NRCAM: variants seen among roughly 807,000 people sequenced by gnomAD.
NRCAM encodes NgCAM-related cell adhesion molecule.
A neutral mutation model predicts 156.5 loss-of-function variants in NRCAM; 83 were observed. The ratio of observed to expected loss-of-function variants is 0.53; its 90% CI spans 0.44 to 0.64. The LOEUF is 0.64. NRCAM is among the 30% of genes least tolerant of loss of function. The probability of loss-of-function intolerance (pLI) is 0.00; values close to 1 mark genes in which losing one functional copy is unlikely to be tolerated. For missense variants in NRCAM, 1,417 were observed against 1,597.3 expected (o/e 0.89, Z 1.92); for synonymous variants, 538 against 563.9 (o/e 0.95, Z 0.65).
intron 1 of NRCAM, among the ~76,000 whole-genome samples, chr7:108,416,340 C>T (rs1175856015): frequency 6.6e-6 from 1 of 152,158 alleles, no homozygotes; most frequent in Non-Finnish European, 1.5e-5. Flanking sequence ...GACATTCTAG[C>T]AAAATTGACA....
intron 20 of NRCAM, 45 bp downstream of exon 20, chr7:108,189,600 A>AT (rs2069768576): frequency 2.5e-6 from 2 of 802,338 alleles, no homozygotes. Flanking sequence ...TGCTTCAAAC[A>AT]TGGCCATTTA....
chr7:108,334,231 G>A (rs1378110900), intron 2 of NRCAM, among the ~76,000 whole-genome samples: 1 of 152,146 alleles, frequency 6.6e-6, no homozygotes, highest in Non-Finnish European at 1.5e-5. Flanking sequence ...ACAACCAGAA[G>A]TGTATGTGAT....
chr7:108,280,748 A>G (rs556127729), intron 3 of NRCAM, among the ~76,000 whole-genome samples: 161 of 152,352 alleles, frequency 1.1e-3, no homozygotes, highest in Admixed American at 3.5e-3. Flanking sequence ...CAGCTGTTAT[A>G]AAGAAGACAC....
At chr7:108,452,871 G>A (rs1417581244) in intron 1 of NRCAM, among the ~76,000 whole-genome samples, 5 of 152,216 alleles carry the variant, frequency 3.3e-5, no homozygotes, top group African/African-American at 1.2e-4. Context: ...AAAAGCCTCA[G>A]TGCCTCAGTG....
chr7:108,268,142 T>G (rs1030967284), intron 3 of NRCAM, among the ~76,000 whole-genome samples: 1 of 152,224 alleles, frequency 6.6e-6, no homozygotes, highest in African/African-American at 2.4e-5. Flanking sequence ...CCATAAGAGA[T>G]AAAAAGACTA....
chr7:108,371,502 G>T (rs16872515), intron 2 of NRCAM, among the ~76,000 whole-genome samples: 20,058 of 152,148 alleles, frequency 0.13, 2,170 homozygotes, highest in African/African-American at 0.3. Flanking sequence ...AGAGGGAGAT[G>T]ATATGTTTTC....
In NRCAM at chr7:108,184,599, T is replaced by C; in HGVS notation, c.2051A>G (p.Tyr684Cys). The change falls in exon 21 of 33, where the codon TAT becomes TGT. Residue 684 changes from tyrosine to cysteine, a missense_variant. By Grantham distance (194) the Tyr-to-Cys change is radical (BLOSUM62 -2). Coordinates refer to ENST00000379028, the MANE Select transcript of NRCAM (RefSeq NM_001037132.4). ...NSPITKFIIEYEDAMHKPGLW... is the reference protein window; with the variant it reads ...NSPITKFIIECEDAMHKPGLW... ...CCCTGGCTTGTGCATTGCATCTTCA[T>C]ATTCGATGATGAATTCTGGTCACGA... 6.2e-7 allele frequency: 1 copy of C among 1,612,740 alleles called. No individual in the cohort carries two copies. Among genetic ancestry groups the C allele is most frequent in the Non-Finnish European group, 8.5e-7 (1 of 1,179,844 alleles).
chr7:108,371,787 T>C (rs775125518), intron 2 of NRCAM, among the ~76,000 whole-genome samples: 2 of 152,198 alleles, frequency 1.3e-5, no homozygotes, highest in Non-Finnish European at 1.5e-5. Context: ...GTTTACTTGT[T>C]AATATTACCC....
At chr7:108,351,330 C>A (rs2099411061) in intron 2 of NRCAM, among the ~76,000 whole-genome samples, 1 of 152,170 alleles carries the variant, frequency 6.6e-6, no homozygotes, top group Non-Finnish European at 1.5e-5. Context: ...TACCCAGTCT[C>A]AGGTATTCTA....
At chr7:108,398,454 T>C (rs1235358943) in intron 2 of NRCAM, among the ~76,000 whole-genome samples, 1 of 152,214 alleles carries the variant, frequency 6.6e-6, no homozygotes, top group Non-Finnish European at 1.5e-5. Context: ...TCATTCTCTA[T>C]ACTTCCTCCA....
intron 5 of NRCAM, among the ~76,000 whole-genome samples, chr7:108,236,019 G>A (rs111331040): frequency 0.022 from 3,317 of 152,184 alleles, 131 homozygotes; most frequent in African/African-American, 0.075. Context: ...GCTCATTTAA[G>A]TTTTTCATCT....
chr7:108,161,434 A>G (rs10257555), intron 30 of NRCAM, among the ~76,000 whole-genome samples: 13,760 of 152,256 alleles, frequency 0.09, 1,011 homozygotes, highest in African/African-American at 0.2. Flanking sequence ...TGCAGCATCA[A>G]TGGCTATTCA....
At chr7:108,425,883 G>A (rs1389283622) in intron 1 of NRCAM, among the ~76,000 whole-genome samples, 1 of 152,196 alleles carries the variant, frequency 6.6e-6, no homozygotes. Context: ...GAAAGCCTCA[G>A]AGACTTCCTC....
chr7:108,167,222 T>G, intron 29 of NRCAM, 149 bp from the exon 30 acceptor site: 1 of 614,680 alleles, frequency 1.6e-6, no homozygotes, highest in Non-Finnish European at 2.8e-6. Context: ...AATGTAGTCA[T>G]GTCAAACAAA....
At chr7:108,350,825 T>G (rs1398706168) in intron 2 of NRCAM, among the ~76,000 whole-genome samples, 1 of 152,208 alleles carries the variant, frequency 6.6e-6, no homozygotes, top group East Asian at 1.9e-4. Flanking sequence ...AGTAGACAGC[T>G]TGTCATAATT....
At chr7:108,375,390 T>C (rs2099670813) in intron 2 of NRCAM, among the ~76,000 whole-genome samples, 1 of 152,116 alleles carries the variant, frequency 6.6e-6, no homozygotes, top group Non-Finnish European at 1.5e-5. Flanking sequence ...CTGTCACAAC[T>C]TCTAGGAATC....
At chr7:108,419,194 T>C (rs1805891440) in intron 1 of NRCAM, among the ~76,000 whole-genome samples, 1 of 152,206 alleles carries the variant, frequency 6.6e-6, no homozygotes, top group South Asian at 2.1e-4. Flanking sequence ...AGTCATTGTA[T>C]TCCTACAATA....
In NRCAM at chr7:108,232,320, A is replaced by G. The variant is rs774519197; in HGVS notation, c.427+6T>C. 1 of 1,590,422 alleles carries G rather than the reference A, an allele frequency of 6.3e-7. No individual in the cohort carries two copies. Among genetic ancestry groups the G allele is most frequent in the South Asian group, 1.1e-5 (1 of 87,242 alleles). On this transcript the variant is annotated splice_donor_region_variant and intron_variant, in intron 7 of 32. Transcript: ENST00000379028. ...GGGTCATGTTGGTTGACAAGTTTCCACTTACTGGATGGGCGGACAACAATG... is the reference window on the plus strand; with the variant it reads ...GGGTCATGTTGGTTGACAAGTTTCCGCTTACTGGATGGGCGGACAACAATG...
intron 1 of NRCAM, among the ~76,000 whole-genome samples, chr7:108,455,630 C>T (rs973425384): frequency 1.3e-5 from 2 of 152,208 alleles, no homozygotes; most frequent in Non-Finnish European, 2.9e-5. Flanking sequence ...CCTCTCCAGG[C>T]AGCGACTGGA....
Sources: allele counts gnomAD v4.1 joint callset (sites outside exome capture counted in the v4.1 genomes callset), GRCh38; gene constraint gnomAD v4.1.1; transcripts MANE v1.5; gene names NCBI Gene and HGNC (gene_info 2026-07-23, HGNC 2026-07-21).